BBS9: variants seen among roughly 807,000 people sequenced by gnomAD.
BBS9 encodes the protein protein PTHB1.
BBS9 carries 89 observed loss-of-function variants against 117.7 expected under a neutral mutation model. That is an observed-to-expected ratio of 0.76 (90% CI 0.64 to 0.90). The LOEUF is 0.90. Among genes scored for constraint, BBS9 ranks in the 40% least tolerant of loss-of-function variants. The pLI, the probability that BBS9 is intolerant of heterozygous loss-of-function variation, is 0.00. For synonymous variants in BBS9, 379 were observed against 370.9 expected, an observed-to-expected ratio of 1.02 and a Z score of -0.25; for missense variants, 982 against 1,042.2, an observed-to-expected ratio of 0.94 and a Z score of 0.80.
intron 5 of BBS9, among the ~76,000 whole-genome samples, chr7:33,189,757 G>A (rs527518056): frequency 1.8e-4 from 27 of 151,784 alleles, no homozygotes; most frequent in African/African-American, 6.3e-4. Context: ...GTGGTGGCAT[G>A]TGCCTGTAGT....
At chr7:33,511,087 C>G (rs1008273747) in intron 20 of BBS9, among the ~76,000 whole-genome samples, 2 of 152,074 alleles carry the variant, frequency 1.3e-5, no homozygotes, top group Admixed American at 6.6e-5. Context: ...CCCATGTGGC[C>G]TTGGTAAACA....
chr7:33,238,547 G>A (rs1359577746), intron 5 of BBS9, among the ~76,000 whole-genome samples: 1 of 152,104 alleles, frequency 6.6e-6, no homozygotes, highest in Non-Finnish European at 1.5e-5. Context: ...GCCCGCTTCA[G>A]CCTCCAAAAG....
At chr7:33,168,876 T>C (rs2128140743) in intron 4 of BBS9, among the ~76,000 whole-genome samples, 1 of 152,262 alleles carries the variant, frequency 6.6e-6, no homozygotes, top group East Asian at 1.9e-4. Flanking sequence ...TAGTTACATA[T>C]GTATACATGT....
chr7:33,321,693 A>G (rs1051748095), intron 9 of BBS9, among the ~76,000 whole-genome samples: 11 of 151,926 alleles, frequency 7.2e-5, no homozygotes, highest in African/African-American at 2.2e-4. Flanking sequence ...TTCTCTTCCA[A>G]TTTTGGATGA....
intron 5 of BBS9, among the ~76,000 whole-genome samples, chr7:33,231,428 C>CTTTTTTTTTTT (rs35407590): frequency 3.8e-5 from 4 of 106,372 alleles, no homozygotes; most frequent in South Asian, 3.4e-4. Context: ...GCCTATGTGT[C>CTTTTTTTTTTT]TTTTTTTTTT....
chr7:33,268,435 C>T (rs1433539412), intron 7 of BBS9, among the ~76,000 whole-genome samples: 2 of 152,226 alleles, frequency 1.3e-5, no homozygotes, highest in Non-Finnish European at 1.5e-5. Flanking sequence ...CTTCCCTGCA[C>T]TATGGCCTAG....
intron 5 of BBS9, among the ~76,000 whole-genome samples, chr7:33,203,974 C>T (rs371859707): frequency 5.9e-5 from 9 of 151,534 alleles, no homozygotes; most frequent in African/African-American, 9.7e-5. Flanking sequence ...CCGCCCGCCT[C>T]GGCCTCCCAA....
At chr7:33,534,230 G>A (rs1351091258) in intron 21 of BBS9, 54 bp downstream of exon 21, 2 of 1,547,222 alleles carry the variant, frequency 1.3e-6, no homozygotes, top group Non-Finnish European at 1.8e-6. Flanking sequence ...CTAAATTAGA[G>A]GAATGTGCCT....
At chr7:33,368,420 C>T (rs1036706383) in intron 17 of BBS9, among the ~76,000 whole-genome samples, 2 of 151,880 alleles carry the variant, frequency 1.3e-5, no homozygotes, top group Non-Finnish European at 2.9e-5. Context: ...TTTATGTATG[C>T]GAGAATAATA....
intron 16 of BBS9, among the ~76,000 whole-genome samples, chr7:33,366,625 G>A (rs10271404): frequency 0.87 from 127,640 of 145,954 alleles, 56,025 homozygotes; most frequent in African/African-American, 0.97. Context: ...GCTCCCTGCA[G>A]CCTCCACCTC....
intron 19 of BBS9, among the ~76,000 whole-genome samples, chr7:33,401,196 T>G (rs1333345080): frequency 6.6e-6 from 1 of 152,232 alleles, no homozygotes; most frequent in African/African-American, 2.4e-5. Context: ...TTCAGTTGAT[T>G]CCCAGTTAGA....
In BBS9 at chr7:33,136,846, G is replaced by A. The variant is rs1790549380; in HGVS notation, c.-12+6805G>A. 3.9e-5 allele frequency among the ~76,000 whole-genome samples: 6 copies of A among 152,286 alleles called. No individual in the cohort carries two copies. The South Asian group carries it at 1.2e-3, about 32-fold the overall frequency. On this transcript the variant is annotated intron_variant, in intron 1 of 22. Transcript: ENST00000242067. Reference sequence around the variant, plus strand: ...TTAGATTTATAAAATGAGGTGGGAAGTATCCTCTCCTCTTTTATTTTTTGG... The same window carrying A: ...TTAGATTTATAAAATGAGGTGGGAAATATCCTCTCCTCTTTTATTTTTTGG...
chr7:33,359,423 T>C (rs1191816470), intron 16 of BBS9, among the ~76,000 whole-genome samples: 1 of 152,048 alleles, frequency 6.6e-6, no homozygotes, highest in Non-Finnish European at 1.5e-5. Context: ...AGATGACTTA[T>C]CCATTTTCCT....
At position 33,382,880 on chromosome 7, in the gene BBS9, C is replaced by T. The variant is rs374999804; in HGVS notation, c.1790-786C>T. On this transcript the variant is annotated intron_variant, in intron 17 of 22. Coordinates refer to ENST00000242067, the MANE Select transcript of BBS9 (RefSeq NM_198428.3). ...TAATTCTAGCACTGGCATTTAATTG[C>T]TTTTGATCTTTGGCAAGTCTGTGAA... Among the ~76,000 whole-genome samples the T allele has an allele frequency of 1.6e-4, 25 of 152,128 alleles. 2 individuals carry two copies. The highest frequency in any genetic ancestry group is 1.2e-3 in the East Asian group (6 of 5,202).
chr7:33,335,492 T>C (rs969828714), intron 9 of BBS9, among the ~76,000 whole-genome samples: 8 of 152,216 alleles, frequency 5.3e-5, no homozygotes, highest in African/African-American at 1.7e-4. Context: ...CAACTCAAAA[T>C]GGCTTATCAC....
At position 33,390,508 on chromosome 7, in the gene BBS9, T is replaced by C. The variant is rs550241610; in HGVS notation, c.2115+2364T>C. ...AATGAATAAACATTTGAAGGAAAAATATGAGTACTATAAGGATTTTGACTT... is the reference window on the plus strand; with the variant it reads ...AATGAATAAACATTTGAAGGAAAAACATGAGTACTATAAGGATTTTGACTT... On this transcript the variant is annotated intron_variant, in intron 19 of 22. Coordinates refer to ENST00000242067, the MANE Select transcript of BBS9 (RefSeq NM_198428.3). 3.7e-5 allele frequency: 36 copies of C among 970,108 alleles called. 1 individual carries two copies. In the South Asian group the frequency reaches 1.5e-3, roughly 41 times the overall value. The allele number at this position is 970,108 out of a possible 1,614,324, so 60.1% of individuals were successfully genotyped here.
chr7:33,458,947 C>G (rs891850776), intron 19 of BBS9, among the ~76,000 whole-genome samples: 2 of 152,058 alleles, frequency 1.3e-5, no homozygotes, highest in African/African-American at 4.8e-5. Context: ...ACTTCTCAAC[C>G]AAGTGTCTTT....
chr7:33,395,979 A>G (rs1297138454), intron 19 of BBS9, among the ~76,000 whole-genome samples: 1 of 152,160 alleles, frequency 6.6e-6, no homozygotes, highest in Non-Finnish European at 1.5e-5. Context: ...GCTAAAAGGA[A>G]ATTCTTTCTC....
intron 21 of BBS9, among the ~76,000 whole-genome samples, chr7:33,553,899 C>G (rs1854861530): frequency 6.6e-6 from 1 of 151,980 alleles, no homozygotes; most frequent in African/African-American, 2.4e-5. Flanking sequence ...AGCTATACAA[C>G]TAAACATGAG....
Sources: gnomAD v4.1 joint callset for allele counts (sites outside exome capture counted in the v4.1 genomes callset) on GRCh38, gnomAD v4.1.1 for gene constraint, MANE v1.5 for transcripts, NCBI Gene and HGNC (gene_info 2026-07-23, HGNC 2026-07-21) for gene names.